The following TNNI3K variants were observed in gnomAD, a reference collection of about 807,000 sequenced individuals.
TNNI3K encodes the protein serine/threonine-protein kinase TNNI3K.
In TNNI3K, 140 loss-of-function variants were observed where a neutral mutation model predicts 114.5. That is an observed-to-expected ratio of 1.22 (90% CI 1.07 to 1.41). TNNI3K has a LOEUF of 1.41. Ranked by LOEUF, TNNI3K falls within the 40% of genes most tolerant of loss-of-function variation. The pLI is 0.00. For missense variants in TNNI3K, 1,125 were observed against 1,007.6 expected, an observed-to-expected ratio of 1.12 and a Z score of -1.58; for synonymous variants, 347 against 347.5, an observed-to-expected ratio of 1.00 and a Z score of 0.02.
At chr1:74,533,302 C>A (rs1646615633) in intron 23 of TNNI3K, among the ~76,000 whole-genome samples, 1 of 152,152 alleles carries the variant, frequency 6.6e-6, no homozygotes, top group Non-Finnish European at 1.5e-5. Context: ...CCAAAAAACA[C>A]ATGAAAAAAT....
chr1:74,310,973 A>G (rs1388744062), intron 5 of TNNI3K, among the ~76,000 whole-genome samples: 1 of 152,194 alleles, frequency 6.6e-6, no homozygotes, highest in East Asian at 1.9e-4. Context: ...CAGTACTTAC[A>G]GACAAAACAG....
intron 17 of TNNI3K, among the ~76,000 whole-genome samples, chr1:74,429,013 G>T (rs1235556835): frequency 2.0e-4 from 30 of 152,008 alleles, no homozygotes; most frequent in Admixed American, 2.0e-3. Flanking sequence ...TCATGTTACT[G>T]TACAATTGTT....
chr1:74,521,046 C>T (rs1446100143), intron 23 of TNNI3K, among the ~76,000 whole-genome samples: 2 of 152,134 alleles, frequency 1.3e-5, no homozygotes, highest in African/African-American at 4.8e-5. Context: ...CCTGACTGGA[C>T]AGAGTGTTCT....
At chr1:74,286,399 C>A (rs975949910) in intron 5 of TNNI3K, among the ~76,000 whole-genome samples, 1 of 152,116 alleles carries the variant, frequency 6.6e-6, no homozygotes, top group African/African-American at 2.4e-5. Context: ...CAGCTCCAGG[C>A]CTGCTCTGGG....
intron 21 of TNNI3K, chr1:74,471,830 TTGAG>T: frequency 4.5e-6 from 2 of 446,760 alleles, no homozygotes; most frequent in Non-Finnish European, 7.9e-6. Flanking sequence ...TTCTCAGGCT[TTGAG>T]TGTTGTCTAC....
intron 6 of TNNI3K, among the ~76,000 whole-genome samples, chr1:74,333,129 A>G (rs1660299336): frequency 6.6e-6 from 1 of 152,158 alleles, no homozygotes; most frequent in Non-Finnish European, 1.5e-5. Context: ...AGGTCATGCC[A>G]CAGCACCACC....
At chr1:74,355,787 A>G (rs1661622768) in intron 11 of TNNI3K, among the ~76,000 whole-genome samples, 1 of 152,152 alleles carries the variant, frequency 6.6e-6, no homozygotes, top group Non-Finnish European at 1.5e-5. Context: ...TAGAAAAATG[A>G]TGTGGGAGTT....
intron 3 of TNNI3K, 61 bp downstream of exon 3, chr1:74,249,605 G>C: frequency 1.3e-6 from 2 of 1,537,126 alleles, no homozygotes; most frequent in South Asian, 1.2e-5. Flanking sequence ...TCAGTGACTT[G>C]AGCTGCTTAA....
At chr1:74,292,318 G>T (rs999611368) in intron 5 of TNNI3K, among the ~76,000 whole-genome samples, 1 of 151,186 alleles carries the variant, frequency 6.6e-6, no homozygotes. Flanking sequence ...GCATAGCTTA[G>T]CTTATTAATA....
At chr1:74,473,293 T>G (rs1055358471) in intron 21 of TNNI3K, among the ~76,000 whole-genome samples, 5 of 152,084 alleles carry the variant, frequency 3.3e-5, no homozygotes, top group Non-Finnish European at 7.4e-5. Context: ...TAGTCACACA[T>G]CAGCTAAGTG....
chr1:74,445,937 C>T (rs556544978), intron 20 of TNNI3K, among the ~76,000 whole-genome samples: 1 of 152,198 alleles, frequency 6.6e-6, no homozygotes, highest in Non-Finnish European at 1.5e-5. Flanking sequence ...TCCAGTCTAT[C>T]ATTGTTGGAC....
At chr1:74,507,057 A>G (rs1242279577) in intron 23 of TNNI3K, among the ~76,000 whole-genome samples, 1 of 152,206 alleles carries the variant, frequency 6.6e-6, no homozygotes, top group Non-Finnish European at 1.5e-5. Context: ...ATGTTGAACA[A>G]ATTATTATCT....
At chr1:74,388,652 CTTTATA>C (rs931684508) in intron 17 of TNNI3K, among the ~76,000 whole-genome samples, 47 of 152,252 alleles carry the variant, frequency 3.1e-4, no homozygotes, top group African/African-American at 1.0e-3. Flanking sequence ...CTACTTTTAA[CTTTATA>C]TTTATTTATC....
At chr1:74,529,319 G>A (rs1393787491) in intron 23 of TNNI3K, among the ~76,000 whole-genome samples, 2 of 152,104 alleles carry the variant, frequency 1.3e-5, no homozygotes, top group Non-Finnish European at 2.9e-5. Flanking sequence ...CTGTGATACT[G>A]CCCTCCAAAG....
chr1:74,469,469 A>C (rs1002060081), intron 21 of TNNI3K: 4 of 154,812 alleles, frequency 2.6e-5, no homozygotes, highest in African/African-American at 9.6e-5. Context: ...TGTAGAAAGC[A>C]ATATTGTAAT....
intron 9 of TNNI3K, among the ~76,000 whole-genome samples, chr1:74,350,971 A>T (rs931010619): frequency 6.6e-6 from 1 of 151,864 alleles, no homozygotes; most frequent in Admixed American, 6.6e-5. Context: ...TTTACATTTA[A>T]GGTTAGTATT....
At chr1:74,256,951 GT>G (rs1225441634) in intron 4 of TNNI3K, among the ~76,000 whole-genome samples, 1 of 152,046 alleles carries the variant, frequency 6.6e-6, no homozygotes, top group Non-Finnish European at 1.5e-5. Flanking sequence ...GATTCACTGA[GT>G]TTTTATATCT....
chr1:74,346,560 T>A (rs1175891070), intron 9 of TNNI3K, among the ~76,000 whole-genome samples: 2 of 151,914 alleles, frequency 1.3e-5, no homozygotes, highest in Admixed American at 6.6e-5. Flanking sequence ...TCTCACCATA[T>A]ATCCACATTT....
chr1:74,389,812 T>C (rs1187457949), intron 17 of TNNI3K, among the ~76,000 whole-genome samples: 1 of 152,146 alleles, frequency 6.6e-6, no homozygotes, highest in African/African-American at 2.4e-5. Flanking sequence ...AGGTTATAGC[T>C]GTGGGATTAA....
Sources: gnomAD v4.1 joint callset for allele counts (sites outside exome capture counted in the v4.1 genomes callset) on GRCh38, gnomAD v4.1.1 for gene constraint, MANE v1.5 for transcripts, NCBI Gene and HGNC (gene_info 2026-07-23, HGNC 2026-07-21) for gene names.